The following ZNF334 variants were observed in gnomAD, a reference collection of about 807,000 sequenced individuals.
The protein encoded by ZNF334 is zinc finger protein 334.
Under a neutral mutation model 12.4 loss-of-function variants are expected in ZNF334, and 14 were observed. The observed-to-expected ratio is 1.13, with a 90% CI of 0.74 to 1.76. The LOEUF is 1.76. Ranked by LOEUF, ZNF334 falls within the 40% of genes most tolerant of loss-of-function variation. ZNF334 has a pLI of 0.00. For missense variants in ZNF334, 797 were observed against 804.5 expected, an observed-to-expected ratio of 0.99 and a Z score of 0.11; for synonymous variants, 273 against 269.6, an observed-to-expected ratio of 1.01 and a Z score of -0.12.
chr20:46,477,834 T>C, the ZNF334 span, among the ~76,000 whole-genome samples: 1 of 152,242 alleles, frequency 6.6e-6, no homozygotes, highest in East Asian at 1.9e-4. Flanking sequence ...TGGACATGCT[T>C]AGCACTCAGT....
At chr20:46,478,782 G>C in the ZNF334 span, among the ~76,000 whole-genome samples, 1 of 152,208 alleles carries the variant, frequency 6.6e-6, no homozygotes. Flanking sequence ...ATATGTGTCA[G>C]GTCTGGGTGC....
chr20:46,471,787 T>TG, the ZNF334 span, among the ~76,000 whole-genome samples: 1 of 152,230 alleles, frequency 6.6e-6, no homozygotes, highest in African/African-American at 2.4e-5. Context: ...TTCTTTCCTT[T>TG]AATTATCTGT....
intron 3 of ZNF334, 121 bp from the exon 4 acceptor site, chr20:46,504,427 G>A (rs910772788): frequency 1.8e-6 from 2 of 1,135,476 alleles, no homozygotes; most frequent in East Asian, 2.5e-5. Flanking sequence ...GCTCAGTAAA[G>A]CTAGAACATT....
chr20:46,496,668 C>T (rs1415084409), downstream of ZNF334: 2 of 152,212 alleles, frequency 1.3e-5, no homozygotes, highest in Non-Finnish European at 1.5e-5. Flanking sequence ...AATCATCTTG[C>T]TTTTATGCTT....
chr20:46,496,769 AG>A (rs1297401152), downstream of ZNF334: 4 of 152,264 alleles, frequency 2.6e-5, no homozygotes, highest in East Asian at 7.7e-4. Context: ...TCCTTTCCCC[AG>A]GATCTCCTCC....
At chr20:46,485,036 T>G in the ZNF334 span, 1 of 167,302 alleles carries the variant, frequency 6.0e-6, no homozygotes, top group Non-Finnish European at 1.5e-5. Flanking sequence ...ATGTCCTCTT[T>G]GAAGCAAGGG....
chr20:46,507,350 C>T (rs555968192), intron 2 of ZNF334, among the ~76,000 whole-genome samples: 30 of 152,184 alleles, frequency 2.0e-4, no homozygotes, highest in African/African-American at 6.3e-4. Context: ...GAAGGACCAT[C>T]GTGGGTTGCA....
chr20:46,466,507 A>T, the ZNF334 span, among the ~76,000 whole-genome samples: 1 of 152,214 alleles, frequency 6.6e-6, no homozygotes, highest in African/African-American at 2.4e-5. Context: ...TTTTTGAGAC[A>T]GAGTCTCGCT....
chr20:46,466,951 C>A, the ZNF334 span, among the ~76,000 whole-genome samples: 1 of 152,008 alleles, frequency 6.6e-6, no homozygotes, highest in Non-Finnish European at 1.5e-5. Context: ...CACTCCACAC[C>A]AAGATTTAAA....
At chr20:46,507,123 G>GT (rs1273609057) in intron 2 of ZNF334, among the ~76,000 whole-genome samples, 1 of 149,846 alleles carries the variant, frequency 6.7e-6, no homozygotes, top group Non-Finnish European at 1.5e-5. Context: ...CAAAAATTAA[G>GT]TAAGTTAAAT....
At chr20:46,512,000 ACATTT>A in intron 2 of ZNF334, 77 bp downstream of exon 2, 1 of 1,359,294 alleles carries the variant, frequency 7.4e-7, no homozygotes. Context: ...TGAATTTTAT[ACATTT>A]CGTTTCATCT....
chr20:46,494,182 G>A, the ZNF334 span, among the ~76,000 whole-genome samples: 1 of 152,180 alleles, frequency 6.6e-6, no homozygotes, highest in South Asian at 2.1e-4. Flanking sequence ...TTTGAGCCTT[G>A]TATAGAAGTC....
chr20:46,478,652 G>A, the ZNF334 span, among the ~76,000 whole-genome samples: 10 of 152,252 alleles, frequency 6.6e-5, no homozygotes, highest in African/African-American at 2.4e-4. Flanking sequence ...GGTTAACTTC[G>A]GAATTTACTT....
chr20:46,501,957 TAA>T lies in ZNF334; in HGVS notation c.1380_1381del (p.Tyr461Ter). The T allele has an allele frequency of 6.2e-7, 1 of 1,614,046 alleles. No homozygotes were observed. The highest frequency in any genetic ancestry group is 2.2e-5 in the East Asian group (1 of 44,892). On this transcript the variant is annotated frameshift_variant, in exon 5 of 5. Coordinates refer to ENST00000692313, the MANE Select transcript of ZNF334 (RefSeq NM_001353824.2). LOFTEE classifies it low-confidence loss of function (END_TRUNC). ...AAATTTCCCACATTCATTACATTCA[TAA>T]GACTTCTTTCCTCTATGAGTTATCT...
the ZNF334 span, among the ~76,000 whole-genome samples, chr20:46,488,803 A>AT: frequency 7.8e-6 from 1 of 127,936 alleles, no homozygotes; most frequent in African/African-American, 3.1e-5. Flanking sequence ...TCTAGTTAAT[A>AT]GTTTTTTTTT....
At chr20:46,495,732 C>T (rs1349396599), downstream of ZNF334, among the ~76,000 whole-genome samples, 5 of 152,164 alleles carry the variant, frequency 3.3e-5, no homozygotes, top group African/African-American at 9.7e-5. Flanking sequence ...ATGGGATGCA[C>T]GTGTGTTTCC....
At chr20:46,483,419 T>C in the ZNF334 span, among the ~76,000 whole-genome samples, 1 of 152,162 alleles carries the variant, frequency 6.6e-6, no homozygotes, top group African/African-American at 2.4e-5. Flanking sequence ...ATAAGGTCGA[T>C]TTTATTATTT....
At chr20:46,476,585 T>A in the ZNF334 span, among the ~76,000 whole-genome samples, 1 of 152,226 alleles carries the variant, frequency 6.6e-6, no homozygotes. Context: ...AATACAAATG[T>A]CAATTATACA....
the ZNF334 span, among the ~76,000 whole-genome samples, chr20:46,469,735 T>C: frequency 2.3e-3 from 345 of 152,208 alleles, 2 homozygotes; most frequent in African/African-American, 7.8e-3. Flanking sequence ...GAGACTGTTT[T>C]CTTGTAGATT....
Sources: allele counts gnomAD v4.1 joint callset (sites outside exome capture counted in the v4.1 genomes callset), GRCh38; gene constraint gnomAD v4.1.1; transcripts MANE v1.5; gene names NCBI Gene and HGNC (gene_info 2026-07-23, HGNC 2026-07-21).